The following KIR3DL3 variants were observed in gnomAD, a reference collection of about 807,000 sequenced individuals.
KIR3DL3 encodes the protein killer cell immunoglobulin like receptor, three Ig domains and long cytoplasmic tail 3.
In KIR3DL3, 27 loss-of-function variants were observed where a neutral mutation model predicts 34.9. The ratio of observed to expected loss-of-function variants is 0.77; its 90% CI spans 0.57 to 1.07. The LOEUF is 1.07. KIR3DL3 is among the 50% of genes least tolerant of loss of function. KIR3DL3 has a pLI of 0.00. For synonymous variants in KIR3DL3, 217 were observed against 200.2 expected, an observed-to-expected ratio of 1.08 and a Z score of -0.71; for missense variants, 681 against 528.5, an observed-to-expected ratio of 1.29 and a Z score of -2.83.
At chr19:54,729,417 G>T in intron 4 of KIR3DL3, 76 bp from the exon 5 acceptor site, 1 of 1,317,288 alleles carries the variant, frequency 7.6e-7, no homozygotes, top group South Asian at 1.4e-5. Context: ...GCAGGGGAGT[G>T]AGTTCTCAGC....
chr19:54,728,476 T>G (rs1351978490), intron 4 of KIR3DL3, among the ~76,000 whole-genome samples: 2 of 149,770 alleles, frequency 1.3e-5, no homozygotes, highest in Admixed American at 6.7e-5. Context: ...GTCCCCATAC[T>G]GGATTCTGAG....
rs1361474646 is a variant in KIR3DL3 at position 54,732,227 on chromosome 19, G to T, written c.949+2441G>T. Among the ~76,000 whole-genome samples the T allele has an allele frequency of 2.3e-4, 35 of 149,228 alleles. No individual in the cohort carries two copies. The East Asian group carries it at 5.6e-3, about 24-fold the overall frequency. On this transcript the variant is annotated intron_variant, in intron 5 of 7. Coordinates refer to ENST00000291860, the MANE Select transcript of KIR3DL3 (RefSeq NM_153443.5). ...GAAGCATCTGTGCACCAAATCTGGG[G>T]TTTTTTGTGTGTGTGTGTGTTTTTT...
At chr19:54,733,507 A>AG (rs1218467462) in intron 5 of KIR3DL3, among the ~76,000 whole-genome samples, 3 of 152,128 alleles carry the variant, frequency 2.0e-5, no homozygotes, top group Non-Finnish European at 2.9e-5. Context: ...AGCCTGACAC[A>AG]GGGGGACTCT....
chr19:54,725,122 C>T lies in KIR3DL3; in HGVS notation c.35-125C>T, dbSNP rs544607346. ...ATGGGCCTGGAGTAGAGATATAGGA[C>T]GGAGGTGGAGATATAGGCCTGGAGT... On this transcript the variant is annotated intron_variant, in intron 1 of 7. Coordinates refer to ENST00000291860, the MANE Select transcript of KIR3DL3 (RefSeq NM_153443.5). 4.1e-5 allele frequency: 19 copies of T among 465,104 alleles called. 5 individuals are homozygous for T. Among genetic ancestry groups the T allele is most frequent in the Non-Finnish European group, 5.8e-5 (16 of 278,078 alleles). The allele number at this position is 465,104 out of a possible 1,614,324, so 28.8% of individuals were successfully genotyped here. A position where few individuals can be genotyped will look rare whatever the true frequency, so the allele number is the denominator to read the frequency against.
At chr19:54,727,981 A>G (rs2068390357) in intron 4 of KIR3DL3, 71 bp downstream of exon 4, 1 of 1,469,694 alleles carries the variant, frequency 6.8e-7, no homozygotes, top group African/African-American at 1.4e-5. Flanking sequence ...TGGAAGCCCC[A>G]GGTGGTCATG....
At position 54,735,842 on chromosome 19, in the gene KIR3DL3, G is replaced by T. The variant is rs1201573562; in HGVS notation, c.1077G>T (p.Glu359Asp). Residue 359 changes from glutamate to aspartate, a missense_variant, in exon 7 of 8, where the codon GAG becomes GAT. By Grantham distance (45) the Glu-to-Asp change is conservative (BLOSUM62 2). Coordinates refer to ENST00000291860, the MANE Select transcript of KIR3DL3 (RefSeq NM_153443.5). ...NKKNAVVMDQ[E>D]PAGNRTVNRE... is the part of the protein sequence containing the mutation. Reference sequence around the variant, plus strand: ...CAGATGCTGTTGTAATGGACCAAGAGCCTGCAGGGAACAGAACAGTGAACA... The same window carrying T: ...CAGATGCTGTTGTAATGGACCAAGATCCTGCAGGGAACAGAACAGTGAACA... 14 of 1,607,612 alleles carry T rather than the reference G, an allele frequency of 8.7e-6. No individual in the cohort carries two copies. Among genetic ancestry groups the T allele is most frequent in the Middle Eastern group, 1.7e-4 (1 of 6,060 alleles).
At chr19:54,734,683 C>A (rs11671355) in intron 5 of KIR3DL3, among the ~76,000 whole-genome samples, 89,977 of 131,130 alleles carry the variant, frequency 0.69, 28,994 homozygotes, top group African/African-American at 0.88. Flanking sequence ...CTTCTAAAGA[C>A]AAGAAATGTG....
At chr19:54,733,824 T>C (rs2069107178) in intron 5 of KIR3DL3, among the ~76,000 whole-genome samples, 2 of 152,204 alleles carry the variant, frequency 1.3e-5, no homozygotes, top group African/African-American at 4.8e-5. Flanking sequence ...CAATCACCTA[T>C]GGAGATACAG....
At chr19:54,732,429 TA>T (rs1287448737) in intron 5 of KIR3DL3, among the ~76,000 whole-genome samples, 11 of 48,844 alleles carry the variant, frequency 2.3e-4, no homozygotes, top group African/African-American at 1.3e-3. Flanking sequence ...TTTTTTGGTA[TA>T]TTTTTTTAGT....
At chr19:54,727,446 C>G (rs2068309006) in intron 3 of KIR3DL3, among the ~76,000 whole-genome samples, 165 bp from the exon 4 acceptor site, 1 of 136,130 alleles carries the variant, frequency 7.3e-6, no homozygotes, top group African/African-American at 2.7e-5. Flanking sequence ...GGGAGGGAGA[C>G]AGATGGAGGG....
intron 5 of KIR3DL3, among the ~76,000 whole-genome samples, chr19:54,732,512 G>A (rs1236086240): frequency 2.0e-5 from 3 of 152,040 alleles, no homozygotes; most frequent in South Asian, 2.1e-4. Flanking sequence ...CCGCCTTAGC[G>A]TCCCTAAGTG....
chr19:54,735,233 G>T lies in KIR3DL3; in HGVS notation c.950-20G>T. 3 of 1,451,502 alleles carry T rather than the reference G, an allele frequency of 2.1e-6. No homozygotes were observed. Among genetic ancestry groups the T allele is most frequent in the South Asian group, 1.2e-5 (1 of 85,004 alleles). 89.9% of individuals were successfully genotyped at this position (1,451,502 alleles called of 1,614,324 possible). ...GAACTGCTATGATTAGCTTCTTATT[G>T]GTGTCTTGTCTTCCTCCAGGTAACT... On this transcript the variant is annotated intron_variant, in intron 5 of 7. Coordinates refer to ENST00000291860, the MANE Select transcript of KIR3DL3 (RefSeq NM_153443.5).
chr19:54,732,807 G>A (rs2068966070), intron 5 of KIR3DL3, among the ~76,000 whole-genome samples: 1 of 152,194 alleles, frequency 6.6e-6, no homozygotes, highest in Non-Finnish European at 1.5e-5. Flanking sequence ...CAACTGTAGA[G>A]AGATGGAGAG....
chr19:54,727,681 G>A lies in KIR3DL3; in HGVS notation c.426G>A (p.Leu142=), dbSNP rs2068340279. 8.1e-6 allele frequency: 13 copies of A among 1,612,572 alleles called. No homozygotes were observed. The highest frequency in any genetic ancestry group is 1.0e-5 in the Non-Finnish European group (12 of 1,179,654). Residue 142 remains leucine, a synonymous_variant, in exon 4 of 8, where the codon CTG becomes CTA. Transcript: ENST00000291860. The part of the protein sequence containing the change: ...PLVKSGETVI[L]QCWSDVRFER... ...TGAAATCAGGAGAGACGGTCATCCTGCAATGTTGGTCAGATGTCAGGTTTG... is the reference window on the plus strand; with the variant it reads ...TGAAATCAGGAGAGACGGTCATCCTACAATGTTGGTCAGATGTCAGGTTTG...
intron 4 of KIR3DL3, among the ~76,000 whole-genome samples, chr19:54,728,438 C>A (rs1157980587): frequency 6.8e-6 from 1 of 147,326 alleles, no homozygotes; most frequent in Non-Finnish European, 1.5e-5. Context: ...AGCAGAACAC[C>A]AACCCCTGTA....
At position 54,735,809 on chromosome 19, in the gene KIR3DL3, G is replaced by A. The variant is rs371297643; in HGVS notation, c.1055-11G>A. The A allele has an allele frequency of 2.3e-5, 37 of 1,607,004 alleles. No individual in the cohort carries two copies. The East Asian group carries it at 4.0e-4, about 17-fold the overall frequency. On this transcript the variant is annotated splice_polypyrimidine_tract_variant and intron_variant, in intron 6 of 7. Transcript: ENST00000291860. The stretch of plus-strand genomic sequence containing the variant: ...CCTCCGAGCTGTTTTGACGACTTCC[G>A]TCTTCTACAGATGCTGTTGTAATGG...
At position 54,727,661 on chromosome 19, in the gene KIR3DL3, T is replaced by G. The variant is rs2146777360; in HGVS notation, c.406T>G (p.Ser136Ala). 1.6e-5 allele frequency: 25 copies of G among 1,611,140 alleles called. No homozygotes were observed. The South Asian group carries it at 2.8e-4, about 18-fold the overall frequency. Reference protein sequence around the residue: ...LLAHPGPLVKSGETVILQCWS... With the variant: ...LLAHPGPLVKAGETVILQCWS... ...GGCCCACCCAGGTCCCCTGGTGAAA[T>G]CAGGAGAGACGGTCATCCTGCAATG... is the stretch of plus-strand genomic sequence containing the variant. The change falls in exon 4 of 8, where the codon TCA (serine) becomes GCA (alanine). Residue 136 changes from serine to alanine, a missense_variant. By Grantham distance (99) the Ser-to-Ala change is moderately conservative. Coordinates refer to ENST00000291860, the MANE Select transcript of KIR3DL3 (RefSeq NM_153443.5).
chr19:54,727,539 T>C (rs2068320362), intron 3 of KIR3DL3, 72 bp from the exon 4 acceptor site: 1 of 1,438,330 alleles, frequency 7.0e-7, no homozygotes, highest in Admixed American at 2.1e-5. Context: ...AGGGGAAGCC[T>C]CACTTATTTC....
chr19:54,731,959 C>A (rs2068842854), intron 5 of KIR3DL3, among the ~76,000 whole-genome samples: 1 of 152,212 alleles, frequency 6.6e-6, no homozygotes. Flanking sequence ...TTAAGTTCAG[C>A]TGATTAGCAA....
Sources: allele counts gnomAD v4.1 joint callset (sites outside exome capture counted in the v4.1 genomes callset), GRCh38; gene constraint gnomAD v4.1.1; transcripts MANE v1.5; gene names NCBI Gene and HGNC (gene_info 2026-07-23, HGNC 2026-07-21).